Variants in MAD1L1 observed in about 807,000 individuals in gnomAD.
The protein encoded by MAD1L1 is mitotic spindle assembly checkpoint protein MAD1.
Under a neutral mutation model 96.9 loss-of-function variants are expected in MAD1L1, and 95 were observed. The observed-to-expected ratio is 0.98, with a 90% CI of 0.83 to 1.16. The LOEUF is 1.16. Among genes scored for constraint, MAD1L1 ranks in the 50% most tolerant of loss-of-function variants. The probability of loss-of-function intolerance (pLI) is 0.00; values close to 1 mark genes in which losing one functional copy is unlikely to be tolerated. For synonymous variants in MAD1L1, 473 were observed against 396.6 expected (o/e 1.19, Z -2.29); for missense variants, 1,007 against 954.4 (o/e 1.06, Z -0.73).
intron 18 of MAD1L1, among the ~76,000 whole-genome samples, chr7:1,859,362 C>T (rs1784409479): frequency 6.6e-6 from 1 of 152,216 alleles, no homozygotes; most frequent in African/African-American, 2.4e-5. Context: ...CTTGCATCTC[C>T]CCGTTGATTC....
intron 14 of MAD1L1, among the ~76,000 whole-genome samples, chr7:1,985,762 G>A: frequency 7.4e-6 from 1 of 135,140 alleles, no homozygotes. Context: ...GCCTCCCCGT[G>A]CATCCGGTCA....
intron 10 of MAD1L1, among the ~76,000 whole-genome samples, chr7:2,154,555 C>A (rs113085514): frequency 1.4e-4 from 22 of 152,226 alleles, no homozygotes; most frequent in African/African-American, 5.3e-4. Flanking sequence ...CCTAAACTTG[C>A]CCATTCCACA....
At position 2,088,075 on chromosome 7, in the gene MAD1L1, C is replaced by A. The variant is rs1211363774; in HGVS notation, c.1074-18737G>T. On this transcript the variant is annotated intron_variant, in intron 11 of 18. Transcript: ENST00000265854. The surrounding 1 kb of genome is among the most constrained non-coding windows in gnomAD (Gnocchi z 4.4). The stretch of plus-strand genomic sequence containing the variant: ...GTTAGAGAAGAAGAAGACTGGGACT[C>A]GGACCACACTGACTTCTCCCCTTTA... Among the ~76,000 whole-genome samples the A allele has an allele frequency of 6.6e-6, 1 of 152,204 alleles. No homozygotes were observed. The highest frequency in any genetic ancestry group is 1.9e-4 in the East Asian group (1 of 5,202).
At chr7:2,022,546 T>C (rs1189024134) in intron 12 of MAD1L1, among the ~76,000 whole-genome samples, 1 of 136,072 alleles carries the variant, frequency 7.3e-6, no homozygotes, top group Non-Finnish European at 1.5e-5. Context: ...AGCAAAACTC[T>C]GTCTCCAAAA....
intron 11 of MAD1L1, among the ~76,000 whole-genome samples, chr7:2,077,852 G>T (rs1016751576): frequency 2.8e-4 from 42 of 152,356 alleles, no homozygotes; most frequent in Non-Finnish European, 5.1e-4. Context: ...TCGTCCTCCA[G>T]TCACAAGAAC....
intron 18 of MAD1L1, among the ~76,000 whole-genome samples, chr7:1,823,131 A>C (rs186038433): frequency 6.6e-6 from 1 of 152,106 alleles, no homozygotes; most frequent in African/African-American, 2.4e-5. Flanking sequence ...AAGTCACAGA[A>C]AAGTCACAAA....
At chr7:1,885,213 G>C (rs938643010) in intron 18 of MAD1L1, among the ~76,000 whole-genome samples, 3 of 152,136 alleles carry the variant, frequency 2.0e-5, no homozygotes, top group Admixed American at 2.0e-4. Flanking sequence ...CCCACACACA[G>C]ACACTACTTT....
At chr7:2,155,779 C>T (rs1789803716) in intron 10 of MAD1L1, among the ~76,000 whole-genome samples, 1 of 152,238 alleles carries the variant, frequency 6.6e-6, no homozygotes, top group Non-Finnish European at 1.5e-5. Context: ...GTGCCAATGC[C>T]TGTTCCAAAC....
intron 17 of MAD1L1, among the ~76,000 whole-genome samples, chr7:1,904,264 G>A (rs1387489449): frequency 1.3e-5 from 2 of 148,446 alleles, no homozygotes; most frequent in Admixed American, 6.6e-5. Flanking sequence ...ATGAAGCACT[G>A]TTCCAGGCAG....
intron 11 of MAD1L1, among the ~76,000 whole-genome samples, chr7:2,079,027 G>A (rs1185085007): frequency 1.3e-5 from 2 of 152,022 alleles, no homozygotes; most frequent in Non-Finnish European, 2.9e-5. Context: ...TCTCAGAAGA[G>A]GGCAAGTGCA....
intron 12 of MAD1L1, among the ~76,000 whole-genome samples, chr7:2,043,811 C>T (rs561948471): frequency 7.4e-4 from 113 of 152,384 alleles, no homozygotes; most frequent in African/African-American, 2.3e-3. Context: ...CCCAACACCC[C>T]GCACTGCCCA....
intron 18 of MAD1L1, among the ~76,000 whole-genome samples, chr7:1,884,863 G>A (rs1356178106): frequency 6.6e-6 from 1 of 152,228 alleles, no homozygotes; most frequent in Non-Finnish European, 1.5e-5. Context: ...CAGGCCGTGG[G>A]GCAAGGGGGC....
At chr7:2,155,076 G>A (rs1219366826) in intron 10 of MAD1L1, among the ~76,000 whole-genome samples, 1 of 152,208 alleles carries the variant, frequency 6.6e-6, no homozygotes, top group Non-Finnish European at 1.5e-5. Context: ...GGGAGCCGGA[G>A]AGCCGCTCCT....
At chr7:1,951,096 C>G (rs982264015) in intron 16 of MAD1L1, among the ~76,000 whole-genome samples, 6 of 152,272 alleles carry the variant, frequency 3.9e-5, no homozygotes, top group Non-Finnish European at 8.8e-5. Flanking sequence ...CCCTGGCCTG[C>G]CGAGGAAGTG....
At chr7:1,818,168 T>A (rs891534070) in intron 18 of MAD1L1, among the ~76,000 whole-genome samples, 9 of 152,114 alleles carry the variant, frequency 5.9e-5, no homozygotes, top group Admixed American at 2.6e-4. Context: ...CTGATTCTCC[T>A]GCAGCTGCCG....
At position 2,092,155 on chromosome 7, in the gene MAD1L1, G is replaced by A. The variant is rs144476084; in HGVS notation, c.1074-22817C>T. 1.1e-3 allele frequency among the ~76,000 whole-genome samples: 172 copies of A among 152,314 alleles called. 1 individual carries two copies. Among genetic ancestry groups the A allele is most frequent in the African/African-American group, 3.7e-3 (152 of 41,564 alleles). The stretch of plus-strand genomic sequence containing the variant: ...CACGTCTCCACCAGCATTTAGTGCC[G>A]TCAGTGATCTTACAGTTTTTAGCCA... On this transcript the variant is annotated intron_variant, in intron 11 of 18. Coordinates refer to ENST00000265854, the MANE Select transcript of MAD1L1 (RefSeq NM_001013836.2).
intron 11 of MAD1L1, among the ~76,000 whole-genome samples, chr7:2,131,162 A>G (rs1200472562): frequency 6.6e-6 from 1 of 152,218 alleles, no homozygotes; most frequent in African/African-American, 2.4e-5. Flanking sequence ...GCAGCGTGTC[A>G]GCCTTCTTCG....
chr7:2,020,370 C>T (rs1375599871), intron 12 of MAD1L1, among the ~76,000 whole-genome samples: 4 of 152,258 alleles, frequency 2.6e-5, no homozygotes, highest in Non-Finnish European at 5.9e-5. Flanking sequence ...TGCACCCGGC[C>T]CCGGCACCAT....
At chr7:1,917,766 G>T (rs1391100050) in intron 17 of MAD1L1, among the ~76,000 whole-genome samples, 1 of 152,210 alleles carries the variant, frequency 6.6e-6, no homozygotes, top group African/African-American at 2.4e-5. Context: ...GCCGTGCACA[G>T]CCAGGACAGA....
Sources: gnomAD v4.1 joint callset for allele counts (sites outside exome capture counted in the v4.1 genomes callset) on GRCh38, gnomAD v4.1.1 for gene constraint, Gnocchi (gnomAD v3.1) non-coding constraint, MANE v1.5 for transcripts, NCBI Gene and HGNC (gene_info 2026-07-23, HGNC 2026-07-21) for gene names.